Variants in SLC35E4 observed in about 807,000 individuals in gnomAD.
The protein encoded by SLC35E4 is solute carrier family 35 member E4.
Under a neutral mutation model 19.3 loss-of-function variants are expected in SLC35E4, and 15 were observed. The ratio of observed to expected loss-of-function variants is 0.78; its 90% CI spans 0.52 to 1.20. The LOEUF (loss-of-function observed/expected upper bound fraction) is 1.20. Among genes scored for constraint, SLC35E4 ranks in the 50% most tolerant of loss-of-function variants. The probability of loss-of-function intolerance (pLI) is 0.00; values close to 1 mark genes in which losing one functional copy is unlikely to be tolerated. For synonymous variants in SLC35E4, 219 were observed against 219.9 expected (o/e 1.00, Z 0.04); for missense variants, 406 against 472.3 (o/e 0.86, Z 1.30).
chr22:30,662,342 G>C (rs1314428676), exon 3 of SLC35E4: 2 of 152,202 alleles, frequency 1.3e-5, no homozygotes, highest in Non-Finnish European at 2.9e-5. Context: ...AGGTGACAGG[G>C]CTGGGCCTTG....
At chr22:30,665,380 A>C (rs573139921), downstream of SLC35E4, 1 of 327,968 alleles carries the variant, frequency 3.0e-6, no homozygotes, top group East Asian at 8.5e-5. Flanking sequence ...CATGCTCTGA[A>C]GGGCCTCAGG....
At chr22:30,659,251 C>T (rs193206591) in intron 2 of SLC35E4, among the ~76,000 whole-genome samples, 9 of 152,138 alleles carry the variant, frequency 5.9e-5, no homozygotes, top group African/African-American at 1.2e-4. Context: ...TGACATTTTC[C>T]GTGGGATTTA....
At chr22:30,640,062 A>G (rs2088014283) in intron 1 of SLC35E4, among the ~76,000 whole-genome samples, 1 of 152,206 alleles carries the variant, frequency 6.6e-6, no homozygotes, top group Non-Finnish European at 1.5e-5. Flanking sequence ...ATAAATGTCC[A>G]TGAAATCTTC....
At chr22:30,660,364 C>T (rs2088432685) in intron 2 of SLC35E4, among the ~76,000 whole-genome samples, 1 of 152,034 alleles carries the variant, frequency 6.6e-6, no homozygotes, top group Non-Finnish European at 1.5e-5. Context: ...AGAGCAGAGG[C>T]ACGATCTTGG....
At chr22:30,649,040 C>T, downstream of SLC35E4, 1 of 622,582 alleles carries the variant, frequency 1.6e-6, no homozygotes, top group Non-Finnish European at 3.0e-6. Flanking sequence ...ACCTAACTCT[C>T]CCCAGCCAGC....
intron 1 of SLC35E4, among the ~76,000 whole-genome samples, chr22:30,642,378 G>T (rs951399664): frequency 6.6e-6 from 1 of 152,158 alleles, no homozygotes; most frequent in Admixed American, 6.5e-5. Flanking sequence ...AGATTCAGAC[G>T]TGAGTGTACG....
At chr22:30,663,901 C>T (rs200339726), downstream of SLC35E4, 102 of 1,614,164 alleles carry the variant, frequency 6.3e-5, no homozygotes, top group East Asian at 1.8e-3. Flanking sequence ...TTGTTGTTGG[C>T]GGCCACACCA....
chr22:30,653,826 T>A (rs1184449232), intron 2 of SLC35E4: 1 of 152,328 alleles, frequency 6.6e-6, no homozygotes, highest in East Asian at 1.9e-4. Flanking sequence ...CCTGTTTTTA[T>A]TTATTTACAT....
chr22:30,636,674 G>A lies in SLC35E4; in HGVS notation c.224G>A (p.Gly75Asp). 1 of 1,612,012 alleles carries A rather than the reference G, an allele frequency of 6.2e-7. No homozygotes were observed. Among genetic ancestry groups the A allele is most frequent in the Non-Finnish European group, 8.5e-7 (1 of 1,179,148 alleles). ...AACAAGTGGATCTTCACAGTGCACG[G>A]CTTTGGGCGGCCCCTGCTGCTGTCG... The part of the protein sequence containing the change: ...SLNKWIFTVH[G>D]FGRPLLLSAL... The change falls in exon 1 of 2, where the codon GGC becomes GAC. Residue 75 changes from glycine (G) to aspartate (D), a missense_variant. Gly to Asp is a moderately conservative substitution (Grantham distance 94, BLOSUM62 -1). Coordinates refer to ENST00000343605, the MANE Select transcript of SLC35E4 (RefSeq NM_001001479.4).
intron 2 of SLC35E4, among the ~76,000 whole-genome samples, chr22:30,653,300 G>T (rs1227259623): frequency 2.0e-5 from 3 of 151,966 alleles, no homozygotes; most frequent in African/African-American, 7.2e-5. Context: ...TATGCCTGCT[G>T]AAGTTTTTCA....
intron 2 of SLC35E4, among the ~76,000 whole-genome samples, chr22:30,660,761 G>A (rs1413612546): frequency 6.6e-6 from 1 of 151,776 alleles, no homozygotes; most frequent in Non-Finnish European, 1.5e-5. Flanking sequence ...GAAAAATAAA[G>A]CATTACCTGT....
In SLC35E4 at chr22:30,636,585, C is replaced by T. The variant is rs2087951015; in HGVS notation, c.135C>T (p.Gly45=). 3.1e-6 allele frequency: 5 copies of T among 1,597,466 alleles called. No individual in the cohort carries two copies. The highest frequency in any genetic ancestry group is 4.3e-6 in the Non-Finnish European group (5 of 1,172,598). Residue 45 remains glycine (G), a synonymous_variant, in exon 1 of 2, where the codon GGC becomes GGT. Transcript: ENST00000343605. The part of the protein sequence containing the change: ...PGSPQALRQP[G]RARVAMAALV... ...GCCCTCAGGCCCTCCGGCAGCCTGG[C>T]CGGGCCCGAGTGGCCATGGCAGCAC... is the stretch of plus-strand genomic sequence containing the variant.
At chr22:30,652,018 A>C (rs764592632), downstream of SLC35E4, 2 of 152,194 alleles carry the variant, frequency 1.3e-5, no homozygotes, top group Non-Finnish European at 2.9e-5. Context: ...GGGAACTGCA[A>C]TAGAGAAAGA....
chr22:30,653,457 C>T (rs1214519812), intron 2 of SLC35E4, among the ~76,000 whole-genome samples: 3 of 151,752 alleles, frequency 2.0e-5, no homozygotes, highest in South Asian at 2.1e-4. Context: ...CTGCAACCTC[C>T]GCCTCCTGGG....
At chr22:30,665,774 C>G (rs2088628252), downstream of SLC35E4, among the ~76,000 whole-genome samples, 1 of 152,240 alleles carries the variant, frequency 6.6e-6, no homozygotes, top group South Asian at 2.1e-4. Context: ...CACTCCCACT[C>G]TATCACCAAC....
In SLC35E4 at chr22:30,646,734, T is replaced by C; in HGVS notation, c.756T>C (p.Ser252=). 1 of 1,613,458 alleles carries C rather than the reference T, an allele frequency of 6.2e-7. No homozygotes were observed. The highest frequency in any genetic ancestry group is 1.1e-5 in the South Asian group (1 of 91,048). Residue 252 remains serine (S), a synonymous_variant, in exon 2 of 2, where the codon TCT becomes TCC. Transcript: ENST00000343605. ...CCCCACCGCCCACTGCTGGCGACTC[T>C]CGCCTCTGGGCCTGCATCCTGCTCA... ...GVAPPPTAGD[S]RLWACILLSC... is the part of the protein sequence containing the mutation.
exon 3 of SLC35E4, chr22:30,663,205 C>T: frequency 1.9e-6 from 1 of 522,740 alleles, no homozygotes; most frequent in Non-Finnish European, 3.4e-6. Flanking sequence ...TATCCCCTGG[C>T]CAGTGTCACT....
chr22:30,663,436 C>G, downstream of SLC35E4: 1 of 1,605,552 alleles, frequency 6.2e-7, no homozygotes. Context: ...CGTGGGATGG[C>G]TCACAGTGGA....
downstream of SLC35E4, chr22:30,667,124 C>T (rs1470964226): frequency 6.6e-6 from 1 of 152,182 alleles, no homozygotes; most frequent in Non-Finnish European, 1.5e-5. Context: ...TGGCTTCCCT[C>T]ATCTGGTTCG....
Sources: allele counts gnomAD v4.1 joint callset (sites outside exome capture counted in the v4.1 genomes callset), GRCh38; gene constraint gnomAD v4.1.1; transcripts MANE v1.5; gene names NCBI Gene and HGNC (gene_info 2026-07-23, HGNC 2026-07-21).